SCML2: variants seen among roughly 807,000 people sequenced by gnomAD.
SCML2 encodes Scm polycomb group protein like 2, also known as sex comb on midleg-like protein 2.
SCML2 carries 6 observed loss-of-function variants against 48.4 expected under a neutral mutation model. The observed-to-expected ratio is 0.12, with a 90% CI of 0.07 to 0.24. SCML2 has a LOEUF of 0.24. SCML2 is among the 10% of genes least tolerant of loss of function. The pLI is 1.00. For synonymous variants in SCML2, 181 were observed against 189.5 expected (o/e 0.95, Z 0.37); for missense variants, 377 against 528.2 (o/e 0.71, Z 2.81).
rs181029602 is a variant in SCML2 at position 18,263,965 on chromosome X, C to A, written c.948+1620G>T. ...CTTACATTGTTATCTTTAAGATTTG[C>A]TCTGTCTCTGGTTTTCAACAGTTTG... On this transcript the variant is annotated intron_variant, in intron 8 of 14. Transcript: ENST00000251900. Among the ~76,000 whole-genome samples, 55 of 111,093 alleles carry A rather than the reference C, an allele frequency of 5.0e-4. No homozygotes were observed. In the Middle Eastern group the frequency reaches 0.014, roughly 28 times the overall value.
chrX:18,350,994 C>A (rs377339062), intron 1 of SCML2, among the ~76,000 whole-genome samples: 1 of 110,895 alleles, frequency 9.0e-6, no homozygotes, highest in Non-Finnish European at 1.9e-5. Context: ...CACGGCCGGG[C>A]GTGGTGGCTC....
chrX:18,329,202 C>A (rs764401644), intron 3 of SCML2, among the ~76,000 whole-genome samples: 66 of 111,977 alleles, frequency 5.9e-4, no homozygotes, highest in African/African-American at 1.8e-3. Context: ...TTTTTAAAAA[C>A]AGATGGAGAG....
chrX:18,249,156 A>G (rs1242031661), intron 11 of SCML2, among the ~76,000 whole-genome samples: 1 of 112,190 alleles, frequency 8.9e-6, no homozygotes, highest in African/African-American at 3.2e-5. Flanking sequence ...GGCAAAAACT[A>G]TAAAAACTAT....
intron 7 of SCML2, among the ~76,000 whole-genome samples, chrX:18,273,969 G>A: frequency 9.0e-6 from 1 of 110,799 alleles, no homozygotes; most frequent in African/African-American, 3.3e-5. Context: ...ATCCCACTGA[G>A]AGCCACCTCC....
intron 7 of SCML2, among the ~76,000 whole-genome samples, chrX:18,298,329 AAG>A (rs1306374307): frequency 8.9e-6 from 1 of 111,967 alleles, no homozygotes; most frequent in Non-Finnish European, 1.9e-5. Context: ...GAGCAAAAAA[AAG>A]AGAGCAGTAT....
chrX:18,323,073 T>C (rs1210576264), intron 5 of SCML2, among the ~76,000 whole-genome samples: 1 of 111,397 alleles, frequency 9.0e-6, no homozygotes, highest in Non-Finnish European at 1.9e-5. Context: ...CATTCTTTTA[T>C]TGTGCTTTGC....
chrX:18,255,580 C>T (rs1926813049), intron 11 of SCML2, among the ~76,000 whole-genome samples: 1 of 112,068 alleles, frequency 8.9e-6, no homozygotes, highest in Non-Finnish European at 1.9e-5. Flanking sequence ...AGTTAGAAGC[C>T]TGCTTTACTA....
In SCML2 at chrX:18,290,016, T is replaced by G. The variant is rs779494311; in HGVS notation, c.730+14956A>C. 1.3e-4 allele frequency among the ~76,000 whole-genome samples: 14 copies of G among 111,852 alleles called. No individual in the cohort carries two copies. The South Asian group carries it at 4.8e-3, about 38-fold the overall frequency. On this transcript the variant is annotated intron_variant, in intron 7 of 14. Coordinates refer to ENST00000251900, the MANE Select transcript of SCML2 (RefSeq NM_006089.3). Reference sequence around the variant, plus strand: ...AACTACTAAAGTGACCAGTTACATTTTTTTAAAACATCAAACGTTTAGATT... The same window carrying G: ...AACTACTAAAGTGACCAGTTACATTGTTTTAAAACATCAAACGTTTAGATT...
intron 7 of SCML2, among the ~76,000 whole-genome samples, chrX:18,297,124 A>T (rs1928421862): frequency 8.9e-6 from 1 of 112,345 alleles, no homozygotes; most frequent in African/African-American, 3.2e-5. Flanking sequence ...AACAGTATGA[A>T]GGACAAAAAC....
intron 8 of SCML2, among the ~76,000 whole-genome samples, chrX:18,264,431 TTGTGTGTGTGTGTGTGTGTGTGTGTGTG>T (rs149069692): frequency 0.022 from 1,855 of 83,900 alleles, 21 homozygotes; most frequent in Non-Finnish European, 0.034. Flanking sequence ...ATCAGTACGA[TTGTGTGTGTGTGTGTGTGTGTGTGTGTG>T]TGTGTGTGTG....
chrX:18,273,327 C>T (rs1270759789), intron 7 of SCML2, among the ~76,000 whole-genome samples: 1 of 111,452 alleles, frequency 9.0e-6, no homozygotes, highest in African/African-American at 3.3e-5. Context: ...CACATGCCTG[C>T]ATACTCTCTC....
rs1406201962 is a variant in SCML2 at position 18,256,898 on chromosome X, G to A, written c.1406C>T (p.Ser469Phe). 2 of 1,206,193 alleles carry A rather than the reference G, an allele frequency of 1.7e-6. No individual in the cohort carries two copies. The highest frequency in any genetic ancestry group is 2.2e-6 in the Non-Finnish European group (2 of 893,304). ...AGAGCTGTGAGTATGACCCCTGGAA[G>A]AACTAAAAGGCTGGCTACTCAAAAG... ...DNLLSSQPFSSSRGHTHSSAE... is the reference protein window; with the variant it reads ...DNLLSSQPFSFSRGHTHSSAE... Residue 469 changes from serine (S) to phenylalanine (F), a missense_variant, in exon 11 of 15, where the codon TCT becomes TTT. Physicochemically the swap from Ser to Phe is radical, Grantham distance 155. This residue lies in a region of SCML2 where 299 missense variants were observed against 425.5 expected (regional missense o/e 0.70). Transcript: ENST00000251900.
intron 6 of SCML2, among the ~76,000 whole-genome samples, chrX:18,317,092 A>T (rs986188616): frequency 2.7e-5 from 3 of 111,778 alleles, no homozygotes; most frequent in Admixed American, 9.5e-5. Context: ...TATAATTTTT[A>T]AAATTTTTTT....
Position 18,265,738 on chromosome X carries a change from C to T in SCML2, c.795G>A (p.Met265Ile). 2 of 1,210,401 alleles carry T rather than the reference C, an allele frequency of 1.7e-6. No homozygotes were observed. Among genetic ancestry groups the T allele is most frequent in the Non-Finnish European group, 2.2e-6 (2 of 894,560 alleles). The stretch of plus-strand genomic sequence containing the variant: ...TTAGAGTAGTTTTCTGTGGAGACTG[C>T]ATTGAATGCTGGCTTGCTTCGGAAG... ...SSPSEASQHSMQSPQKTTLIL... is the reference protein window; with the variant it reads ...SSPSEASQHSIQSPQKTTLIL... The change falls in exon 8 of 15, where the codon ATG (methionine) becomes ATA (isoleucine). Residue 265 changes from methionine to isoleucine, a missense_variant. Transcript: ENST00000251900.
chrX:18,335,926 A>T (rs1235359545), intron 1 of SCML2, among the ~76,000 whole-genome samples: 1 of 111,949 alleles, frequency 8.9e-6, no homozygotes, highest in Admixed American at 9.5e-5. Flanking sequence ...AATAGCTAAA[A>T]CAATCTTCAA....
In SCML2 at chrX:18,260,183, C is replaced by G; in HGVS notation, c.1057G>C (p.Val353Leu). ...AATATGAATTTACCTGTAGACATCA[C>G]TATTTTACATGGCCCAGAAGCGACA... ...KDVASGPCKIVMSTVCVYVNK... is the reference protein window; with the variant it reads ...KDVASGPCKILMSTVCVYVNK... The change falls in exon 9 of 15, where the codon GTG becomes CTG. Residue 353 changes from valine to leucine, a missense_variant. Val to Leu is a conservative substitution (Grantham distance 32). Transcript: ENST00000251900. 1.7e-6 allele frequency: 2 copies of G among 1,186,169 alleles called. No individual in the cohort carries two copies. Among genetic ancestry groups the G allele is most frequent in the Non-Finnish European group, 2.3e-6 (2 of 879,650 alleles).
chrX:18,246,217 C>T (rs889409409), intron 13 of SCML2, among the ~76,000 whole-genome samples: 2 of 112,119 alleles, frequency 1.8e-5, no homozygotes, highest in Non-Finnish European at 3.8e-5. Context: ...TCAAGAGAGA[C>T]GAAGAAAAGT....
Position 18,314,918 on chromosome X carries a change from G to A in SCML2, c.486+5414C>T, listed in dbSNP as rs1289279640. 3.7e-5 allele frequency among the ~76,000 whole-genome samples: 4 copies of A among 109,297 alleles called. No individual in the cohort carries two copies. In the East Asian group the frequency reaches 8.6e-4, roughly 24 times the overall value. 94.9% of individuals were successfully genotyped at this position (109,297 alleles called of 115,157 possible). Reference sequence around the variant, plus strand: ...AGACTGGCCAACATGGCGAAACCCCGTCTCTACTAAAACTACAAAAAAAAT... The same window carrying A: ...AGACTGGCCAACATGGCGAAACCCCATCTCTACTAAAACTACAAAAAAAAT... On this transcript the variant is annotated intron_variant, in intron 6 of 14. Coordinates refer to ENST00000251900, the MANE Select transcript of SCML2 (RefSeq NM_006089.3).
intron 5 of SCML2, among the ~76,000 whole-genome samples, chrX:18,322,360 G>A (rs903306749): frequency 2.7e-5 from 3 of 111,849 alleles, no homozygotes; most frequent in Non-Finnish European, 5.6e-5. Context: ...AATTACAACA[G>A]CAGCATCTCC....
Sources: gnomAD v4.1 joint callset for allele counts (sites outside exome capture counted in the v4.1 genomes callset) on GRCh38, gnomAD v4.1.1 for gene constraint, gnomAD v4.1.1 regional missense constraint, MANE v1.5 for transcripts, NCBI Gene and HGNC (gene_info 2026-07-23, HGNC 2026-07-21) for gene names.